Variants in AGTPBP1 observed in about 807,000 individuals in gnomAD.
The protein encoded by AGTPBP1 is ATP/GTP binding carboxypeptidase 1, also known as cytosolic carboxypeptidase 1.
AGTPBP1 carries 70 observed loss-of-function variants against 143.9 expected under a neutral mutation model. The ratio of observed to expected loss-of-function variants is 0.49; its 90% CI spans 0.40 to 0.59. The LOEUF is 0.59. Ranked by LOEUF, AGTPBP1 falls within the 20% of genes least tolerant of loss-of-function variation. AGTPBP1 has a pLI of 0.00. For missense variants in AGTPBP1, 1,229 were observed against 1,464.5 expected (o/e 0.84, Z 2.62); for synonymous variants, 463 against 500.2 (o/e 0.93, Z 0.99).
At chr9:85,742,030 G>C (rs1301227230), upstream of AGTPBP1, 4 of 1,196,260 alleles carry the variant, frequency 3.3e-6, no homozygotes, top group South Asian at 4.1e-5. Context: ...GCACGCGCAG[G>C]GAGTGGGGGC....
In AGTPBP1 at chr9:85,649,454, T is replaced by C. The variant is rs540842400; in HGVS notation, c.1088-3036A>G. Among the ~76,000 whole-genome samples the C allele has an allele frequency of 3.9e-5, 6 of 152,334 alleles. No individual in the cohort carries two copies. In the South Asian group the frequency reaches 8.3e-4, roughly 21 times the overall value. The stretch of plus-strand genomic sequence containing the variant: ...TGTAAATAGTACTTTACTGTTCCTT[T>C]GCGTAAGCCACTTTTTTACAATTGA... On this transcript the variant is annotated intron_variant, in intron 11 of 25. Transcript: ENST00000357081.
intron 3 of AGTPBP1, among the ~76,000 whole-genome samples, chr9:85,684,434 AACCTCT>A (rs1246091266): frequency 5.3e-5 from 8 of 152,012 alleles, no homozygotes; most frequent in African/African-American, 1.9e-4. Flanking sequence ...CTTTATCTTC[AACCTCT>A]ACCAACATAT....
intron 25 of AGTPBP1, among the ~76,000 whole-genome samples, chr9:85,553,597 T>G (rs145973446): frequency 2.0e-3 from 300 of 152,330 alleles, no homozygotes; most frequent in African/African-American, 7.0e-3. Context: ...AGCAGCTGTA[T>G]CACTTAGCTG....
chr9:85,692,618 G>T, intron 3 of AGTPBP1, 71 bp downstream of exon 3: 2 of 1,550,478 alleles, frequency 1.3e-6, no homozygotes, highest in South Asian at 2.4e-5. Context: ...TTAGAAGTTT[G>T]AACATTTTTA....
chr9:85,741,926 C>CGGCGGCGGCGCTGGA lies in AGTPBP1; in HGVS notation c.-200_-186dup, dbSNP rs754936335. The CGGCGGCGGCGCTGGA allele has an allele frequency of 3.4e-3, 4,417 of 1,315,142 alleles. 5 individuals are homozygous for CGGCGGCGGCGCTGGA. The highest frequency in any genetic ancestry group is 4.0e-3 in the Non-Finnish European group (4,146 of 1,036,646). The allele number at this position is 1,315,142 out of a possible 1,614,324, so 81.5% of individuals were successfully genotyped here. ...GCGGAGGCGGCGGCGGCGGCAGCTG[C>CGGCGGCGGCGCTGGA]GGCGGCGGCGCTGGAGGCGGCGGAA... On this transcript the variant is annotated 5_prime_UTR_variant, in exon 1 of 26. Coordinates refer to ENST00000357081, the MANE Select transcript of AGTPBP1 (RefSeq NM_001330701.2).
intron 1 of AGTPBP1, among the ~76,000 whole-genome samples, chr9:85,724,665 G>T (rs967797013): frequency 1.2e-4 from 19 of 152,068 alleles, no homozygotes; most frequent in African/African-American, 4.3e-4. Flanking sequence ...AGACTTCACT[G>T]GCCACTACTT....
intron 18 of AGTPBP1, among the ~76,000 whole-genome samples, chr9:85,595,568 C>G (rs1020471582): frequency 6.6e-6 from 1 of 152,030 alleles, no homozygotes; most frequent in African/African-American, 2.4e-5. Context: ...GCTCTGTCAC[C>G]GAGGCTGGAG....
the AGTPBP1 span, among the ~76,000 whole-genome samples, chr9:85,803,529 G>A: frequency 4.7e-4 from 71 of 152,300 alleles, no homozygotes; most frequent in African/African-American, 1.7e-3. Context: ...GTCTGGGGTG[G>A]AGCCTGAGAT....
At chr9:85,566,886 C>T (rs1045637287) in intron 25 of AGTPBP1, among the ~76,000 whole-genome samples, 1 of 152,164 alleles carries the variant, frequency 6.6e-6, no homozygotes, top group Non-Finnish European at 1.5e-5. Flanking sequence ...AAGGCTGAGA[C>T]TTCTGCCTAA....
At chr9:85,679,449 C>A (rs1835033516) in intron 4 of AGTPBP1, among the ~76,000 whole-genome samples, 2 of 151,988 alleles carry the variant, frequency 1.3e-5, no homozygotes, top group Non-Finnish European at 2.9e-5. Flanking sequence ...GCTCTGTCAC[C>A]CAGGATGGAG....
At chr9:85,742,387 C>G (rs909995469), upstream of AGTPBP1, among the ~76,000 whole-genome samples, 2 of 150,568 alleles carry the variant, frequency 1.3e-5, no homozygotes, top group Admixed American at 6.6e-5. Context: ...CAGTCACTTT[C>G]TTAGGAAGGG....
rs541242999 is a variant in AGTPBP1 at position 85,550,095 on chromosome 9, C to T, written c.3504-2809G>A. Among the ~76,000 whole-genome samples the T allele has an allele frequency of 5.9e-5, 9 of 152,140 alleles. No individual in the cohort carries two copies. The South Asian group carries it at 1.0e-3, about 18-fold the overall frequency. On this transcript the variant is annotated intron_variant, in intron 25 of 25. Coordinates refer to ENST00000357081, the MANE Select transcript of AGTPBP1 (RefSeq NM_001330701.2). ...TGTGATGGGCCCACCAGTGCTAGCT[C>T]GGGCACATTAGTCAGGCTGAGTGTG...
chr9:85,717,338 T>C (rs1267254057), intron 1 of AGTPBP1, among the ~76,000 whole-genome samples: 1 of 151,900 alleles, frequency 6.6e-6, no homozygotes, highest in East Asian at 1.9e-4. Flanking sequence ...AGCCCTTCTC[T>C]AAAAAATAAA....
At chr9:85,659,608 A>G (rs1222263580) in intron 9 of AGTPBP1, among the ~76,000 whole-genome samples, 1 of 152,154 alleles carries the variant, frequency 6.6e-6, no homozygotes, top group East Asian at 1.9e-4. Flanking sequence ...AACTGAAAAT[A>G]TTAAATTACA....
rs1218725860 is a variant in AGTPBP1, at chr9:85,646,349, T to C, written c.1157A>G (p.Asn386Ser). ...AAAATTTTGATCTAGGTCATCTTCA[T>C]TCTCAGTTTCGTTTTCAGCTTCTAC... The part of the protein sequence containing the change: ...IDVEAENETE[N>S]EDDLDQNFKN... Residue 386 changes from asparagine to serine, a missense_variant, in exon 12 of 26, where the codon AAT becomes AGT. Physicochemically the swap from Asn to Ser is conservative, Grantham distance 46 (BLOSUM62 1). Coordinates refer to ENST00000357081, the MANE Select transcript of AGTPBP1 (RefSeq NM_001330701.2). 2 of 1,612,886 alleles carry C rather than the reference T, an allele frequency of 1.2e-6. No homozygotes were observed. The highest frequency in any genetic ancestry group is 1.3e-5 in the African/African-American group (1 of 74,916).
At chr9:85,718,553 T>G (rs1386234577) in intron 1 of AGTPBP1, among the ~76,000 whole-genome samples, 1 of 152,248 alleles carries the variant, frequency 6.6e-6, no homozygotes, top group Non-Finnish European at 1.5e-5. Context: ...AAGTTCTTTG[T>G]AGATTCTGAA....
At chr9:85,757,241 A>G in the AGTPBP1 span, among the ~76,000 whole-genome samples, 1 of 151,960 alleles carries the variant, frequency 6.6e-6, no homozygotes, top group Non-Finnish European at 1.5e-5. Flanking sequence ...TAATTTTTGT[A>G]TTTTTAGTAG....
At chr9:85,627,896 T>C (rs1032542461) in intron 14 of AGTPBP1, among the ~76,000 whole-genome samples, 2 of 152,266 alleles carry the variant, frequency 1.3e-5, no homozygotes, top group Non-Finnish European at 2.9e-5. Flanking sequence ...ACTGTTTACA[T>C]TACTGGTAAG....
intron 1 of AGTPBP1, among the ~76,000 whole-genome samples, chr9:85,740,390 TAGAA>T (rs1824174606): frequency 6.6e-6 from 1 of 152,234 alleles, no homozygotes; most frequent in South Asian, 2.1e-4. Flanking sequence ...CAAGTCATAT[TAGAA>T]CTCTGCCTGC....
Sources: gnomAD v4.1 joint callset for allele counts (sites outside exome capture counted in the v4.1 genomes callset) on GRCh38, gnomAD v4.1.1 for gene constraint, MANE v1.5 for transcripts, NCBI Gene and HGNC (gene_info 2026-07-23, HGNC 2026-07-21) for gene names.